Variants in RND1 observed in about 807,000 individuals in gnomAD.
The protein encoded by RND1 is rho-related GTP-binding protein Rho6.
In RND1, 9 loss-of-function variants were observed where a neutral mutation model predicts 27.1. That is an observed-to-expected ratio of 0.33 (90% CI 0.20 to 0.58). The LOEUF (loss-of-function observed/expected upper bound fraction) is 0.58. Among genes scored for constraint, RND1 ranks in the 20% least tolerant of loss-of-function variants. RND1 has a pLI of 0.86. For missense variants in RND1, 253 were observed against 292.2 expected (o/e 0.87, Z 0.98); for synonymous variants, 108 against 115.7 (o/e 0.93, Z 0.43).
chr12:48,865,254 A>C (rs1938971636), intron 1 of RND1: 1 of 374,846 alleles, frequency 2.7e-6, no homozygotes, highest in Non-Finnish European at 5.1e-6. Context: ...GGGCTGCAGA[A>C]GCCTGCCTGA....
chr12:48,861,691 C>T (rs2137508493), intron 3 of RND1, among the ~76,000 whole-genome samples: 1 of 152,320 alleles, frequency 6.6e-6, no homozygotes, highest in Admixed American at 6.5e-5. Context: ...TCCAAAAGGT[C>T]CCATGCCTGA....
intron 2 of RND1, among the ~76,000 whole-genome samples, chr12:48,864,202 G>A (rs907835708): frequency 6.6e-6 from 1 of 152,068 alleles, no homozygotes; most frequent in East Asian, 1.9e-4. Flanking sequence ...GAGCTGCAGC[G>A]GTGTGACGAG....
At chr12:48,865,307 G>A in intron 1 of RND1, 3 of 399,570 alleles carry the variant, frequency 7.5e-6, no homozygotes, top group Non-Finnish European at 1.4e-5. Context: ...GAGCGGATAG[G>A]CAGGGATTAC....
chr12:48,857,903 C>G lies in RND1; in HGVS notation c.*93G>C, dbSNP rs1183999277. ...CCGTGGCCATCTGAAAAACTCATGT[C>G]CAGTGTCCTAAATTGTCTCATCCTC... On this transcript the variant is annotated 3_prime_UTR_variant, in exon 5 of 5. Coordinates refer to ENST00000309739, the MANE Select transcript of RND1 (RefSeq NM_014470.4). 6.8e-7 allele frequency: 1 copy of G among 1,460,466 alleles called. No individual in the cohort carries two copies. Among genetic ancestry groups the G allele is most frequent in the East Asian group, 2.3e-5 (1 of 42,994 alleles). 90.5% of individuals were successfully genotyped at this position (1,460,466 alleles called of 1,614,324 possible).
chr12:48,858,502 G>A (rs1938874156), intron 4 of RND1: 1 of 347,794 alleles, frequency 2.9e-6, no homozygotes, highest in African/African-American at 2.3e-5. Flanking sequence ...CTATATTGAT[G>A]CCAAACTAAA....
Position 48,862,122 on chromosome 12 carries a change from G to A in RND1, c.209-4C>T. Reference sequence around the variant, plus strand: ...ACATTATCGTAGTAGGGAGATCCTGGTGTAGGCCAGAAAGAGCTGATGGTG... The same window carrying A: ...ACATTATCGTAGTAGGGAGATCCTGATGTAGGCCAGAAAGAGCTGATGGTG... On this transcript the variant is annotated splice_region_variant and splice_polypyrimidine_tract_variant and intron_variant, in intron 2 of 4. Coordinates refer to ENST00000309739, the MANE Select transcript of RND1 (RefSeq NM_014470.4). The A allele has an allele frequency of 6.4e-7, 1 of 1,570,146 alleles. No homozygotes were observed. The highest frequency in any genetic ancestry group is 8.8e-7 in the Non-Finnish European group (1 of 1,140,566).
chr12:48,865,702 C>G lies in RND1; in HGVS notation c.66G>C (p.Val22=). 1 of 1,614,124 alleles carries G rather than the reference C, an allele frequency of 6.2e-7. No individual in the cohort carries two copies. The highest frequency in any genetic ancestry group is 2.2e-5 in the East Asian group (1 of 44,876). ...ARCKLVLVGD[V]QCGKTAMLQV... is the part of the protein sequence containing the mutation. ...GCAACATCGCGGTCTTCCCACACTG[C>G]ACGTCCCCGACCAGAACGAGCTTAC... The change falls in exon 1 of 5, where the codon GTG becomes GTC. Residue 22 remains valine (V), a synonymous_variant. Transcript: ENST00000309739.
chr12:48,861,250 G>T, intron 3 of RND1, 119 bp from the exon 4 acceptor site: 3 of 966,434 alleles, frequency 3.1e-6, no homozygotes, highest in Non-Finnish European at 4.6e-6. Context: ...CTCATCACCA[G>T]CCCAGTCCTC....
rs562811071 is a variant in RND1 at position 48,860,989 on chromosome 12, G to C, written c.453+8C>G. ...CACCCCACGACATGCACTTGCATGC[G>C]CACACACCTGCTCATAGGAGATGGG... On this transcript the variant is annotated splice_region_variant and intron_variant, in intron 4 of 4. Transcript: ENST00000309739. 5 of 1,612,724 alleles carry C rather than the reference G, an allele frequency of 3.1e-6. No individual in the cohort carries two copies. Among genetic ancestry groups the C allele is most frequent in the Admixed American group, 3.3e-5 (2 of 59,978 alleles).
chr12:48,863,071 T>C (rs1175746128), intron 2 of RND1, among the ~76,000 whole-genome samples: 2 of 152,004 alleles, frequency 1.3e-5, no homozygotes, highest in African/African-American at 2.4e-5. Flanking sequence ...GGTGGGGTCT[T>C]ACCACTGCAG....
intron 2 of RND1, among the ~76,000 whole-genome samples, chr12:48,863,310 C>T (rs1002994847): frequency 6.6e-6 from 1 of 152,104 alleles, no homozygotes; most frequent in African/African-American, 2.4e-5. Flanking sequence ...CAGCCTTTAT[C>T]CTTTCGGAAA....
rs1938863188 is a variant in RND1 at position 48,857,761 on chromosome 12, C to T, written c.*235G>A. Reference sequence around the variant, plus strand: ...GGAGCGGGGGGGGCACTGGGGTAGTCGCCCCCTCCAAAATCTAGTGCCTGG... The same window carrying T: ...GGAGCGGGGGGGGCACTGGGGTAGTTGCCCCCTCCAAAATCTAGTGCCTGG... On this transcript the variant is annotated 3_prime_UTR_variant, in exon 5 of 5. Coordinates refer to ENST00000309739, the MANE Select transcript of RND1 (RefSeq NM_014470.4). 5.0e-6 allele frequency: 2 copies of T among 403,526 alleles called. No homozygotes were observed. Among genetic ancestry groups the T allele is most frequent in the Non-Finnish European group, 8.7e-6 (2 of 230,718 alleles). 25.0% of individuals were successfully genotyped at this position (403,526 alleles called of 1,614,324 possible).
chr12:48,863,432 G>A (rs1938943780), intron 2 of RND1, among the ~76,000 whole-genome samples: 1 of 152,104 alleles, frequency 6.6e-6, no homozygotes, highest in African/African-American at 2.4e-5. Context: ...AGGAGGTGGG[G>A]GGAGGGCGTT....
chr12:48,860,704 C>CT (rs144167355), intron 4 of RND1, among the ~76,000 whole-genome samples: 29,353 of 151,296 alleles, frequency 0.19, 3,750 homozygotes, highest in Non-Finnish European at 0.29. Context: ...CACCTGGCCT[C>CT]TTTTTTTTGT....
At chr12:48,860,077 C>CTTT (rs36016980) in intron 4 of RND1, among the ~76,000 whole-genome samples, 1 of 122,746 alleles carries the variant, frequency 8.1e-6, no homozygotes. Flanking sequence ...CACACCTGGC[C>CTTT]TTTTTTTTTT....
At chr12:48,859,465 G>A (rs1290695872) in intron 4 of RND1, among the ~76,000 whole-genome samples, 1 of 151,912 alleles carries the variant, frequency 6.6e-6, no homozygotes, top group African/African-American at 2.4e-5. Context: ...TCTTGAACCC[G>A]GGAGGCAGAG....
chr12:48,865,780 C>T lies in RND1; in HGVS notation c.-13G>A. Reference sequence around the variant, plus strand: ...GTCTCTCCTTCATGGTTGCAGTGTCCGCGGGACTTGAACTTCGATTCAGAA... The same window carrying T: ...GTCTCTCCTTCATGGTTGCAGTGTCTGCGGGACTTGAACTTCGATTCAGAA... On this transcript the variant is annotated 5_prime_UTR_variant, in exon 1 of 5. Transcript: ENST00000309739. The T allele has an allele frequency of 6.3e-7, 1 of 1,576,710 alleles. No homozygotes were observed. Among genetic ancestry groups the T allele is most frequent in the Non-Finnish European group, 8.7e-7 (1 of 1,155,642 alleles).
At chr12:48,863,127 G>T (rs933400361) in intron 2 of RND1, among the ~76,000 whole-genome samples, 1 of 152,144 alleles carries the variant, frequency 6.6e-6, no homozygotes, top group Non-Finnish European at 1.5e-5. Flanking sequence ...GGGGAGGGGA[G>T]GAGGCCTCCA....
At chr12:48,863,117 G>C (rs1188642195) in intron 2 of RND1, among the ~76,000 whole-genome samples, 1 of 152,170 alleles carries the variant, frequency 6.6e-6, no homozygotes, top group East Asian at 1.9e-4. Context: ...ACTGGGGAAG[G>C]GGGAGGGGAG....
Sources: gnomAD v4.1 joint callset for allele counts (sites outside exome capture counted in the v4.1 genomes callset) on GRCh38, gnomAD v4.1.1 for gene constraint, MANE v1.5 for transcripts, NCBI Gene and HGNC (gene_info 2026-07-23, HGNC 2026-07-21) for gene names.